SLC33A1: variants seen among roughly 807,000 people sequenced by gnomAD.
SLC33A1 encodes solute carrier family 33 member 1.
Under a neutral mutation model 50.0 loss-of-function variants are expected in SLC33A1, and 20 were observed. The ratio of observed to expected loss-of-function variants is 0.40; its 90% CI spans 0.28 to 0.58. The LOEUF (loss-of-function observed/expected upper bound fraction) is 0.58, where lower values mean the gene tolerates loss of function less well. Ranked by LOEUF, SLC33A1 falls within the 20% of genes least tolerant of loss-of-function variation. The pLI is 0.44. For missense variants in SLC33A1, 476 were observed against 657.0 expected, an observed-to-expected ratio of 0.72 and a Z score of 3.01; for synonymous variants, 265 against 251.8, an observed-to-expected ratio of 1.05 and a Z score of -0.50.
intron 4 of SLC33A1, 33 bp downstream of exon 4, chr3:155,833,435 G>T: frequency 1.0e-6 from 1 of 997,678 alleles, no homozygotes; most frequent in Non-Finnish European, 1.6e-6. Context: ...ACACAGAACA[G>T]TTTATTTCCT....
chr3:155,849,169 C>T (rs1753298529), intron 1 of SLC33A1, among the ~76,000 whole-genome samples: 1 of 152,112 alleles, frequency 6.6e-6, no homozygotes. Flanking sequence ...CCCACCTCAG[C>T]CTCCCAAAGT....
chr3:155,839,680 G>A (rs1028174965), intron 2 of SLC33A1, among the ~76,000 whole-genome samples: 6 of 152,224 alleles, frequency 3.9e-5, no homozygotes, highest in South Asian at 2.1e-4. Flanking sequence ...CGGGCATGGT[G>A]GCTCACACAT....
At chr3:155,837,539 C>G (rs766046269) in intron 2 of SLC33A1, among the ~76,000 whole-genome samples, 2 of 151,928 alleles carry the variant, frequency 1.3e-5, no homozygotes, top group Admixed American at 1.3e-4. Flanking sequence ...ATATATTTAC[C>G]AATGAGAAAT....
At position 155,825,338 on chromosome 3, in the gene SLC33A1, T is replaced by C. The variant is rs1448296781; in HGVS notation, c.*2872A>G. ...ATAATTAAAAAAAAAAAAGAAGTCA[T>C]AAAGACAGGTTCTTATTATATTGAC... On this transcript the variant is annotated 3_prime_UTR_variant, in exon 6 of 6. Transcript: ENST00000643144. 1 of 151,792 alleles carries C rather than the reference T, an allele frequency of 6.6e-6. No homozygotes were observed. The highest frequency in any genetic ancestry group is 6.6e-5 in the Admixed American group (1 of 15,230). 9.4% of individuals were successfully genotyped at this position (151,792 alleles called of 1,614,324 possible).
chr3:155,848,105 T>G (rs998356939), intron 1 of SLC33A1, among the ~76,000 whole-genome samples: 1 of 152,188 alleles, frequency 6.6e-6, no homozygotes, highest in African/African-American at 2.4e-5. Flanking sequence ...ATTAGATAGA[T>G]GACAGATAGA....
At chr3:155,840,212 C>T (rs1348970642) in intron 2 of SLC33A1, among the ~76,000 whole-genome samples, 4 of 151,282 alleles carry the variant, frequency 2.6e-5, no homozygotes, top group Admixed American at 1.3e-4. Flanking sequence ...CTCATCCTCC[C>T]GAGTAGCTGG....
At chr3:155,845,791 A>G (rs1408588007) in intron 1 of SLC33A1, among the ~76,000 whole-genome samples, 2 of 152,180 alleles carry the variant, frequency 1.3e-5, no homozygotes, top group Non-Finnish European at 2.9e-5. Flanking sequence ...ATAAAGAAAC[A>G]TTACTACCAA....
chr3:155,834,280 T>C (rs954296257), intron 2 of SLC33A1, among the ~76,000 whole-genome samples: 2 of 152,184 alleles, frequency 1.3e-5, no homozygotes, highest in African/African-American at 4.8e-5. Flanking sequence ...GGATGGTAGA[T>C]GGCTATAAAT....
At chr3:155,830,587 G>A (rs1001630705) in intron 4 of SLC33A1, among the ~76,000 whole-genome samples, 1 of 151,958 alleles carries the variant, frequency 6.6e-6, no homozygotes, top group African/African-American at 2.4e-5. Context: ...ACCACAAGTA[G>A]TCAAGAAAGA....
At chr3:155,843,887 C>G (rs1290421493) in intron 1 of SLC33A1, among the ~76,000 whole-genome samples, 3 of 152,188 alleles carry the variant, frequency 2.0e-5, no homozygotes, top group Non-Finnish European at 4.4e-5. Context: ...TTAGATAACC[C>G]TGTCTCAGTT....
At chr3:155,847,148 C>A (rs1753205921) in intron 1 of SLC33A1, among the ~76,000 whole-genome samples, 1 of 152,026 alleles carries the variant, frequency 6.6e-6, no homozygotes, top group Admixed American at 6.6e-5. Context: ...GCAGAGGTTG[C>A]AGCGAGCCGA....
chr3:155,833,798 T>A (rs1752545715), intron 3 of SLC33A1, 59 bp downstream of exon 3: 2 of 1,277,520 alleles, frequency 1.6e-6, no homozygotes, highest in South Asian at 2.4e-5. Flanking sequence ...ATTAGTGGTA[T>A]TGATGAATGT....
intron 1 of SLC33A1, among the ~76,000 whole-genome samples, chr3:155,846,899 G>T (rs1753197253): frequency 6.6e-6 from 1 of 151,950 alleles, no homozygotes; most frequent in Admixed American, 6.6e-5. Context: ...ATAAATTATA[G>T]GGAGATTACT....
rs1379981162 is a variant in SLC33A1, at chr3:155,823,683, A to G, written c.*4527T>C. ...TAAAATAAAATAAAGTAAAAAGAAC[A>G]TGGTCTGCAGTAGGTGTTTTTGTTT... On this transcript the variant is annotated 3_prime_UTR_variant, in exon 6 of 6. Transcript: ENST00000643144. 2 of 151,892 alleles carry G rather than the reference A, an allele frequency of 1.3e-5. No individual in the cohort carries two copies. The highest frequency in any genetic ancestry group is 6.6e-5 in the Admixed American group (1 of 15,246). 9.4% of individuals were successfully genotyped at this position (151,892 alleles called of 1,614,324 possible).
At chr3:155,842,981 A>G (rs1752988992) in intron 1 of SLC33A1, 2 of 152,036 alleles carry the variant, frequency 1.3e-5, no homozygotes, top group South Asian at 2.1e-4. Flanking sequence ...GGCATGGCCA[A>G]TAGAGTGAGA....
chr3:155,843,173 G>A (rs191975044), intron 1 of SLC33A1, among the ~76,000 whole-genome samples: 1 of 152,186 alleles, frequency 6.6e-6, no homozygotes, highest in Admixed American at 6.6e-5. Flanking sequence ...TACATTTAGT[G>A]TACAACTGAG....
intron 2 of SLC33A1, among the ~76,000 whole-genome samples, chr3:155,836,555 A>G (rs1216240620): frequency 6.6e-6 from 1 of 152,074 alleles, no homozygotes; most frequent in African/African-American, 2.4e-5. Flanking sequence ...ATAGTAGGAG[A>G]TATTTGTAAT....
At position 155,833,476 on chromosome 3, in the gene SLC33A1, A is replaced by C. The variant is rs1247170379; in HGVS notation, c.1258T>G (p.Leu420Val). Residue 420 changes from leucine (L) to valine (V), a missense_variant, in exon 4 of 6, where the codon TTA becomes GTA. Coordinates refer to ENST00000643144, the MANE Select transcript of SLC33A1 (RefSeq NM_004733.4). ...YYIVVLLSYALHQVTVYSMYV... is the reference protein window; with the variant it reads ...YYIVVLLSYAVHQVTVYSMYV... ...AACCACTGCAAGCTTACCTGATGTA[A>C]AGCATAACTCAGCAGGACTACGATA... The C allele has an allele frequency of 6.7e-7, 1 of 1,498,120 alleles. No individual in the cohort carries two copies. Among genetic ancestry groups the C allele is most frequent in the Non-Finnish European group, 9.3e-7 (1 of 1,074,302 alleles). 92.8% of individuals were successfully genotyped at this position (1,498,120 alleles called of 1,614,324 possible).
chr3:155,851,597 TC>T (rs2108011784), intron 1 of SLC33A1, among the ~76,000 whole-genome samples: 1 of 148,400 alleles, frequency 6.7e-6, no homozygotes, highest in East Asian at 2.0e-4. Flanking sequence ...TGAGACAGAG[TC>T]TCAAAAATGG....
Sources: allele counts gnomAD v4.1 joint callset (sites outside exome capture counted in the v4.1 genomes callset), GRCh38; gene constraint gnomAD v4.1.1; transcripts MANE v1.5; gene names NCBI Gene and HGNC (gene_info 2026-07-23, HGNC 2026-07-21).